MBD5: variants seen among roughly 807,000 people sequenced by gnomAD.
MBD5 encodes methyl-CpG-binding domain protein 5.
Under a neutral mutation model 117.3 loss-of-function variants are expected in MBD5, and 13 were observed. The observed-to-expected ratio is 0.11, with a 90% CI of 0.07 to 0.18. The LOEUF (loss-of-function observed/expected upper bound fraction) is 0.18. Among genes scored for constraint, MBD5 ranks in the 10% least tolerant of loss-of-function variants. The pLI, the probability that MBD5 is intolerant of heterozygous loss-of-function variation, is 1.00. For missense variants in MBD5, 1,879 were observed against 2,093.8 expected (o/e 0.90, Z 2.00); for synonymous variants, 727 against 766.4 (o/e 0.95, Z 0.85).
intron 1 of MBD5, chr2:148,055,745 G>A (rs1166550024): frequency 6.6e-6 from 1 of 151,960 alleles, no homozygotes; most frequent in African/African-American, 2.4e-5. Flanking sequence ...TATTGAATAG[G>A]TTTTTCTTTA....
intron 4 of MBD5, among the ~76,000 whole-genome samples, chr2:148,350,560 T>G (rs1488541059): frequency 6.6e-6 from 1 of 151,892 alleles, no homozygotes; most frequent in African/African-American, 2.4e-5. Context: ...ACTGGAAAAA[T>G]CAAAATAATT....
chr2:148,298,104 A>C (rs1004090119), intron 3 of MBD5, among the ~76,000 whole-genome samples: 5 of 152,176 alleles, frequency 3.3e-5, no homozygotes, highest in Non-Finnish European at 7.3e-5. Context: ...CCTAAGGGTG[A>C]GCTGGGGCAT....
intron 4 of MBD5, among the ~76,000 whole-genome samples, chr2:148,427,605 C>G (rs1420647107): frequency 6.6e-6 from 1 of 151,278 alleles, no homozygotes; most frequent in Non-Finnish European, 1.5e-5. Flanking sequence ...CACATGGACA[C>G]AGGAAGGGGA....
At position 148,477,945 on chromosome 2, in the gene MBD5, A is replaced by G. The variant is rs369635035; in HGVS notation, c.2519-5165A>G. ...AATTAGAGCTAAACAAAATGGTATA[A>G]GGAGGTTTTAAAAATACTTCATTGG... On this transcript the variant is annotated intron_variant, in intron 8 of 13. Coordinates refer to ENST00000642680, the MANE Select transcript of MBD5 (RefSeq NM_001378120.1). Among the ~76,000 whole-genome samples, 18 of 152,322 alleles carry G rather than the reference A, an allele frequency of 1.2e-4. No homozygotes were observed. The East Asian group carries it at 2.9e-3, about 25-fold the overall frequency.
intron 4 of MBD5, among the ~76,000 whole-genome samples, chr2:148,361,958 A>T (rs1271931556): frequency 1.3e-5 from 2 of 152,228 alleles, no homozygotes; most frequent in Non-Finnish European, 2.9e-5. Flanking sequence ...ACTCGGGCCC[A>T]GATACTACGC....
At position 148,074,017 on chromosome 2, in the gene MBD5, T is replaced by A. The variant is rs139308235; in HGVS notation, c.-925+52333T>A. 3.0e-3 allele frequency among the ~76,000 whole-genome samples: 457 copies of A among 151,400 alleles called. 2 individuals are homozygous for A. Among genetic ancestry groups the A allele is most frequent in the Middle Eastern group, 6.8e-3 (2 of 294 alleles). ...ATAATCTTTTTTTTTTCTTTTAAGA[T>A]TTTTTTTATCAGTGAATATTTAGAA... On this transcript the variant is annotated intron_variant, in intron 1 of 13. Coordinates refer to ENST00000642680, the MANE Select transcript of MBD5 (RefSeq NM_001378120.1).
intron 4 of MBD5, among the ~76,000 whole-genome samples, chr2:148,441,573 C>A (rs1270855861): frequency 6.6e-6 from 1 of 152,160 alleles, no homozygotes; most frequent in Non-Finnish European, 1.5e-5. Flanking sequence ...CATACATGTG[C>A]ATGTGTCTTT....
At chr2:148,265,427 T>C (rs879492067) in intron 3 of MBD5, among the ~76,000 whole-genome samples, 2 of 152,184 alleles carry the variant, frequency 1.3e-5, no homozygotes, top group Admixed American at 6.5e-5. Flanking sequence ...TCTATGGCAA[T>C]TTTAGAAGGA....
At chr2:148,347,203 G>A (rs1266497516) in intron 4 of MBD5, 1 of 151,892 alleles carries the variant, frequency 6.6e-6, no homozygotes, top group African/African-American at 2.4e-5. Context: ...GGGCAACATA[G>A]ACCCTGTCTC....
At chr2:148,359,065 C>G (rs1246690307) in intron 4 of MBD5, among the ~76,000 whole-genome samples, 2 of 151,980 alleles carry the variant, frequency 1.3e-5, no homozygotes, top group Non-Finnish European at 2.9e-5. Context: ...AGTTCAAGAC[C>G]AGCCTGGGCG....
chr2:148,185,235 C>T (rs1698626361), intron 2 of MBD5, among the ~76,000 whole-genome samples: 1 of 152,246 alleles, frequency 6.6e-6, no homozygotes, highest in Admixed American at 6.5e-5. Flanking sequence ...CCAGCCAGCA[C>T]ACTTACCAGT....
At chr2:148,228,683 G>A (rs761000817) in intron 2 of MBD5, among the ~76,000 whole-genome samples, 20 of 152,274 alleles carry the variant, frequency 1.3e-4, no homozygotes, top group Non-Finnish European at 2.6e-4. Context: ...CAGAAGAAAT[G>A]GTACCAGCTC....
At chr2:148,148,555 A>C (rs1430584434) in intron 1 of MBD5, among the ~76,000 whole-genome samples, 2 of 152,346 alleles carry the variant, frequency 1.3e-5, no homozygotes, top group East Asian at 3.9e-4. Flanking sequence ...TTTCTAATTC[A>C]ATAAATCTGA....
At position 148,483,369 on chromosome 2, in the gene MBD5, G is replaced by A. The variant is rs760520878; in HGVS notation, c.2778G>A (p.Leu926=). The change falls in exon 9 of 14, where the codon TTG becomes TTA. Residue 926 remains leucine (L), a synonymous_variant. Coordinates refer to ENST00000642680, the MANE Select transcript of MBD5 (RefSeq NM_001378120.1). ...PSLLSSLPIS[L]PVNQQHLLNQ... is the part of the protein sequence containing the mutation. ...TCCTCAGTTCTCTACCTATCTCTTTGCCAGTGAATCAACAGCATCTCCTAA... is the reference window on the plus strand; with the variant it reads ...TCCTCAGTTCTCTACCTATCTCTTTACCAGTGAATCAACAGCATCTCCTAA... The A allele has an allele frequency of 1.4e-5, 23 of 1,613,918 alleles. No individual in the cohort carries two copies. Among genetic ancestry groups the A allele is most frequent in the Non-Finnish European group, 1.7e-5 (20 of 1,179,994 alleles).
rs371541999 is a variant in MBD5, at chr2:148,135,452, A to G, written c.-924-43248A>G. 1.6e-3 allele frequency among the ~76,000 whole-genome samples: 244 copies of G among 152,290 alleles called. 9 individuals carry two copies. The South Asian group carries it at 0.05, about 31-fold the overall frequency. ...AACATACTTTATTTAACTATTTTTTAATTTAAAAACATATTTTTACATTCT... is the reference window on the plus strand; with the variant it reads ...AACATACTTTATTTAACTATTTTTTGATTTAAAAACATATTTTTACATTCT... On this transcript the variant is annotated intron_variant, in intron 1 of 13. Coordinates refer to ENST00000642680, the MANE Select transcript of MBD5 (RefSeq NM_001378120.1).
chr2:148,180,343 C>T (rs9287416), intron 2 of MBD5, among the ~76,000 whole-genome samples: 21 of 105,532 alleles, frequency 2.0e-4, no homozygotes, highest in Admixed American at 3.3e-4. Flanking sequence ...AAAAATTATA[C>T]ATATATATAT....
At position 148,161,712 on chromosome 2, in the gene MBD5, T is replaced by G. The variant is rs373200354; in HGVS notation, c.-924-16988T>G. ...ATCATACCAGGAACTGTAAGGATTATTTCTTGAAAGAGTCAGAGCATAGAC... is the reference window on the plus strand; with the variant it reads ...ATCATACCAGGAACTGTAAGGATTAGTTCTTGAAAGAGTCAGAGCATAGAC... On this transcript the variant is annotated intron_variant, in intron 1 of 13. Coordinates refer to ENST00000642680, the MANE Select transcript of MBD5 (RefSeq NM_001378120.1). Among the ~76,000 whole-genome samples the G allele has an allele frequency of 1.1e-4, 16 of 152,306 alleles. No homozygotes were observed. In the East Asian group the frequency reaches 3.1e-3, roughly 29 times the overall value.
intron 4 of MBD5, among the ~76,000 whole-genome samples, chr2:148,379,322 C>T (rs1490411024): frequency 1.3e-5 from 2 of 151,970 alleles, no homozygotes; most frequent in African/African-American, 4.8e-5. Context: ...GACTTCTCAA[C>T]AGCAATAATG....
At chr2:148,308,663 A>G (rs1701956735) in intron 3 of MBD5, among the ~76,000 whole-genome samples, 1 of 147,558 alleles carries the variant, frequency 6.8e-6, no homozygotes, top group Admixed American at 6.7e-5. Flanking sequence ...GTTTAATTAG[A>G]CCCCGTTTGT....
Sources: gnomAD v4.1 joint callset for allele counts (sites outside exome capture counted in the v4.1 genomes callset) on GRCh38, gnomAD v4.1.1 for gene constraint, MANE v1.5 for transcripts, NCBI Gene and HGNC (gene_info 2026-07-23, HGNC 2026-07-21) for gene names.